RBMX: variants seen among roughly 807,000 people sequenced by gnomAD.
RBMX encodes the protein RNA binding motif protein X-linked, also known as RNA-binding motif protein, X chromosome.
RBMX carries 1 observed loss-of-function variant against 29.3 expected under a neutral mutation model. The observed-to-expected ratio is 0.03, with a 90% CI of 0.01 to 0.16. The LOEUF (loss-of-function observed/expected upper bound fraction) is 0.16. Ranked by LOEUF, RBMX falls within the 10% of genes least tolerant of loss-of-function variation. The pLI, the probability that RBMX is intolerant of heterozygous loss-of-function variation, is 1.00. For synonymous variants in RBMX, 102 were observed against 102.3 expected (o/e 1.00, Z 0.02); for missense variants, 121 against 333.2 (o/e 0.36, Z 4.96).
In RBMX at chrX:136,878,216, AAC is replaced by A. The variant is rs1338149640; in HGVS notation, c.217-132_217-131del. 114 of 546,338 alleles carry A rather than the reference AAC, an allele frequency of 2.1e-4. No individual in the cohort carries two copies. The African/African-American group carries it at 2.6e-3, about 12-fold the overall frequency. The allele number at this position is 546,338 out of a possible 1,213,427, so 45.0% of individuals were successfully genotyped here. ...AGTGTTGCTCATTAGTCTAAGAAAA[AAC>A]ACTGCAAATATAGTCAGTTTACATA... On this transcript the variant is annotated intron_variant, in intron 3 of 8. Transcript: ENST00000320676.
chrX:136,875,321 T>A lies in RBMX; in HGVS notation c.719A>T (p.Asp240Val). The change falls in exon 7 of 9, where the codon GAT (aspartate) becomes GTT (valine). Residue 240 changes from aspartate (D) to valine (V), a missense_variant. Transcript: ENST00000320676. ...DTRDYAPPPR[D>V]YTYRDYGHSS... The stretch of plus-strand genomic sequence containing the variant: ...ATGACCATAATCACGGTAAGTATAA[T>A]CTCGTGGTGGTGGTGCATAATCTCT... 1 of 1,211,743 alleles carries A rather than the reference T, an allele frequency of 8.3e-7. No individual in the cohort carries two copies. Among genetic ancestry groups the A allele is most frequent in the Non-Finnish European group, 1.1e-6 (1 of 895,485 alleles).
chrX:136,876,456 C>T (rs764869101), intron 5 of RBMX, 47 bp downstream of exon 5: 3 of 1,109,323 alleles, frequency 2.7e-6, no homozygotes, highest in Middle Eastern at 3.4e-4. Flanking sequence ...CCTCTCAATT[C>T]TTTGTGTTAC....
downstream of RBMX, among the ~76,000 whole-genome samples, chrX:136,871,285 C>CAA (rs535757703): frequency 1.3e-4 from 14 of 106,869 alleles, no homozygotes; most frequent in Non-Finnish European, 2.3e-4. Context: ...ACTAAAAATA[C>CAA]AAAAAATCAG....
intron 8 of RBMX, chrX:136,874,707 T>G (rs2077710425): frequency 2.4e-6 from 1 of 423,363 alleles, no homozygotes. Flanking sequence ...GAGCTTGTTA[T>G]TTTATAGTAG....
downstream of RBMX, among the ~76,000 whole-genome samples, chrX:136,871,294 A>G (rs1340109653): frequency 9.4e-6 from 1 of 106,535 alleles, no homozygotes; most frequent in African/African-American, 3.4e-5. Context: ...ACAAAAAATC[A>G]GCCGGGCGTG....
intron 8 of RBMX, chrX:136,874,775 T>C (rs1453904376): frequency 7.9e-6 from 3 of 379,452 alleles, no homozygotes; most frequent in African/African-American, 5.2e-5. Flanking sequence ...CTTGCCTTCA[T>C]ATTGCAATGG....
chrX:136,871,820 T>G (rs1394307823), downstream of RBMX, among the ~76,000 whole-genome samples: 8 of 102,130 alleles, frequency 7.8e-5, no homozygotes, highest in African/African-American at 2.5e-4. Flanking sequence ...TGTTTTTTTT[T>G]TTTTTTTTTT....
downstream of RBMX, chrX:136,872,397 T>G (rs1030701510): frequency 7.5e-6 from 8 of 1,072,140 alleles, no homozygotes; most frequent in Admixed American, 7.9e-5. Context: ...GGAAATTCTT[T>G]TAAAACTTGC....
chrX:136,870,186 C>T (rs2077676422), downstream of RBMX: 1 of 112,646 alleles, frequency 8.9e-6, no homozygotes, highest in Non-Finnish European at 1.9e-5. Context: ...CTGACTACCT[C>T]CACTTACCAA....
chrX:136,871,821 T>G (rs983971545), downstream of RBMX, among the ~76,000 whole-genome samples: 4 of 102,338 alleles, frequency 3.9e-5, no homozygotes, highest in African/African-American at 1.4e-4. Flanking sequence ...GTTTTTTTTT[T>G]TTTTTTTTTT....
chrX:136,880,302 CAT>C (rs2077785596), intron 1 of RBMX, among the ~76,000 whole-genome samples: 1 of 112,375 alleles, frequency 8.9e-6, no homozygotes, highest in Admixed American at 9.4e-5. Context: ...GCGCCAGCGC[CAT>C]ACCAATGCAG....
chrX:136,873,055 A>G (rs1020261480), downstream of RBMX: 5 of 110,604 alleles, frequency 4.5e-5, no homozygotes, highest in African/African-American at 1.6e-4. Context: ...GCTTTAAAAA[A>G]AAAAAAAAAA....
intron 1 of RBMX, among the ~76,000 whole-genome samples, chrX:136,880,181 A>C (rs1265803581): frequency 9.0e-6 from 1 of 111,488 alleles, no homozygotes; most frequent in Non-Finnish European, 1.9e-5. Flanking sequence ...TGGTCAGGGG[A>C]CTAACTTTTA....
rs749152530 is a variant in RBMX, at chrX:136,878,745, CAA to C, written c.216+270_216+271del. On this transcript the variant is annotated intron_variant, in intron 3 of 8. Coordinates refer to ENST00000320676, the MANE Select transcript of RBMX (RefSeq NM_002139.4). ...AGGCTAGGCAACGGAGGGAGACTATCAAAAAAAAAAAAAAAAAAGTACCATGT... is the reference window on the plus strand; with the variant it reads ...AGGCTAGGCAACGGAGGGAGACTATCAAAAAAAAAAAAAAAAGTACCATGT... 9.8e-3 allele frequency among the ~76,000 whole-genome samples: 363 copies of C among 37,064 alleles called. 1 individual carries two copies. Among genetic ancestry groups the C allele is most frequent in the African/African-American group, 0.029 (328 of 11,200 alleles). The allele number at this position is 37,064 out of a possible 115,157, so 32.2% of individuals were successfully genotyped here. A position where few individuals can be genotyped will look rare whatever the true frequency, so the allele number is the denominator to read the frequency against.
Position 136,875,075 on chromosome X carries a change from C to G in RBMX, c.865+11G>C. ...GCTGGTGATACTAAAGACCCTTAACCAGTATCTTACCATAACTCTCATATG... is the reference window on the plus strand; with the variant it reads ...GCTGGTGATACTAAAGACCCTTAACGAGTATCTTACCATAACTCTCATATG... On this transcript the variant is annotated intron_variant, in intron 8 of 8. Coordinates refer to ENST00000320676, the MANE Select transcript of RBMX (RefSeq NM_002139.4). 1 of 1,209,972 alleles carries G rather than the reference C, an allele frequency of 8.3e-7. No individual in the cohort carries two copies. Among genetic ancestry groups the G allele is most frequent in the South Asian group, 1.8e-5 (1 of 56,520 alleles).
chrX:136,877,268 G>A (rs1277335888), intron 4 of RBMX, among the ~76,000 whole-genome samples: 1 of 100,432 alleles, frequency 1.0e-5, no homozygotes, highest in African/African-American at 3.6e-5. Context: ...GAAGGCAGAG[G>A]TTGTGGTGAG....
intron 4 of RBMX, 69 bp from the exon 5 acceptor site, chrX:136,876,724 T>G: frequency 1.0e-6 from 1 of 1,004,299 alleles, no homozygotes; most frequent in Non-Finnish European, 1.3e-6. Flanking sequence ...AAGTTTTTTT[T>G]TTTTTTTGAG....
At chrX:136,876,716 G>C in intron 4 of RBMX, 61 bp from the exon 5 acceptor site, 1 of 808,817 alleles carries the variant, frequency 1.2e-6, no homozygotes, top group Non-Finnish European at 1.6e-6. Flanking sequence ...AGATATAAAA[G>C]TTTTTTTTTT....
intron 5 of RBMX, 61 bp downstream of exon 5, chrX:136,876,442 T>G: frequency 9.2e-7 from 1 of 1,090,168 alleles, no homozygotes; most frequent in Non-Finnish European, 1.2e-6. Context: ...TTAAGCATCA[T>G]TCACCTCTCA....
Sources: allele counts gnomAD v4.1 joint callset (sites outside exome capture counted in the v4.1 genomes callset), GRCh38; gene constraint gnomAD v4.1.1; transcripts MANE v1.5; gene names NCBI Gene and HGNC (gene_info 2026-07-23, HGNC 2026-07-21).